RSPO2: variants seen among roughly 807,000 people sequenced by gnomAD.
The protein encoded by RSPO2 is R-spondin-2.
Under a neutral mutation model 30.9 loss-of-function variants are expected in RSPO2, and 14 were observed. The ratio of observed to expected loss-of-function variants is 0.45; its 90% confidence interval spans 0.30 to 0.71. RSPO2 has a LOEUF of 0.71. Among genes scored for constraint, RSPO2 ranks in the 30% least tolerant of loss-of-function variants. The pLI, the probability that RSPO2 is intolerant of heterozygous loss-of-function variation, is 0.08. For missense variants in RSPO2, 264 were observed against 301.9 expected, an observed-to-expected ratio of 0.87 and a Z score of 0.93; for synonymous variants, 107 against 96.4, an observed-to-expected ratio of 1.11 and a Z score of -0.64.
At chr8:108,059,057 C>A (rs1313087551) in intron 2 of RSPO2, among the ~76,000 whole-genome samples, 1 of 151,806 alleles carries the variant, frequency 6.6e-6, no homozygotes, top group African/African-American at 2.4e-5. Context: ...CAGAGTGAAA[C>A]AGGCAACCTA....
rs550676880 is a variant in RSPO2, at chr8:108,045,458, C to T, written c.94+37087G>A. Among the ~76,000 whole-genome samples the T allele has an allele frequency of 3.3e-5, 5 of 152,062 alleles. No homozygotes were observed. The East Asian group carries it at 9.7e-4, about 29-fold the overall frequency. On this transcript the variant is annotated intron_variant, in intron 2 of 5. Transcript: ENST00000276659. The stretch of plus-strand genomic sequence containing the variant: ...AATAACATTAATGTTTTTATTAGAC[C>T]ATTTTTATTAAAATACATTAGTCCA...
At chr8:107,936,184 G>A (rs1394212871) in intron 5 of RSPO2, among the ~76,000 whole-genome samples, 1 of 151,952 alleles carries the variant, frequency 6.6e-6, no homozygotes, top group Non-Finnish European at 1.5e-5. Flanking sequence ...TTCTACATAT[G>A]AGAACATGTG....
chr8:107,914,369 C>A (rs1811912500), intron 5 of RSPO2, among the ~76,000 whole-genome samples: 2 of 151,054 alleles, frequency 1.3e-5, no homozygotes, highest in African/African-American at 2.4e-5. Context: ...AATAAGAGTT[C>A]CAAAAAATGA....
At chr8:108,050,676 T>C (rs1812053774) in intron 2 of RSPO2, among the ~76,000 whole-genome samples, 1 of 152,176 alleles carries the variant, frequency 6.6e-6, no homozygotes, top group South Asian at 2.1e-4. Flanking sequence ...CATGGATAAC[T>C]GAAACAGTCT....
chr8:108,000,711 C>T (rs1416700993), intron 2 of RSPO2, among the ~76,000 whole-genome samples: 25 of 151,968 alleles, frequency 1.6e-4, no homozygotes, highest in Admixed American at 1.6e-3. Flanking sequence ...TAGAAATTCT[C>T]CAGGGAACTC....
chr8:107,945,327 C>A (rs575273559), intron 5 of RSPO2, among the ~76,000 whole-genome samples: 1 of 135,542 alleles, frequency 7.4e-6, no homozygotes, highest in African/African-American at 2.7e-5. Flanking sequence ...CGGCTCACTA[C>A]AAGCTCCGCC....
chr8:107,980,350 T>C (rs1314731391), intron 3 of RSPO2, among the ~76,000 whole-genome samples: 1 of 152,184 alleles, frequency 6.6e-6, no homozygotes, highest in Non-Finnish European at 1.5e-5. Context: ...CCCCTCTCTT[T>C]CCTTATCAGA....
At chr8:107,983,155 C>T (rs1187485409) in intron 3 of RSPO2, 1 of 1,517,400 alleles carries the variant, frequency 6.6e-7, no homozygotes, top group Admixed American at 2.0e-5. Context: ...GGCTCATCAA[C>T]AGAGCAGATG....
intron 5 of RSPO2, among the ~76,000 whole-genome samples, chr8:107,950,913 T>A (rs1813220567): frequency 6.6e-6 from 1 of 152,196 alleles, no homozygotes; most frequent in South Asian, 2.1e-4. Flanking sequence ...TATCTACACA[T>A]ACAGCTCTAG....
At chr8:108,016,071 G>C (rs898880000) in intron 2 of RSPO2, among the ~76,000 whole-genome samples, 5 of 152,166 alleles carry the variant, frequency 3.3e-5, no homozygotes, top group Non-Finnish European at 5.9e-5. Flanking sequence ...CTAGAGGAGT[G>C]CACGTCCTGA....
intron 2 of RSPO2, among the ~76,000 whole-genome samples, chr8:108,079,597 A>C (rs1411520614): frequency 6.6e-6 from 1 of 152,104 alleles, no homozygotes; most frequent in Non-Finnish European, 1.5e-5. Context: ...AGAAAATGAT[A>C]TTATGGAGCA....
chr8:107,947,514 T>C (rs1273022569), intron 5 of RSPO2, among the ~76,000 whole-genome samples: 1 of 152,190 alleles, frequency 6.6e-6, no homozygotes, highest in Non-Finnish European at 1.5e-5. Context: ...GGGGCCACAG[T>C]GGACCACAAG....
At chr8:107,921,277 T>TACACACACACAC (rs71308759) in intron 5 of RSPO2, among the ~76,000 whole-genome samples, 64 of 148,854 alleles carry the variant, frequency 4.3e-4, no homozygotes, top group African/African-American at 1.5e-3. Flanking sequence ...TAGCAGATTT[T>TACACACACACAC]ACACACACAC....
intron 2 of RSPO2, among the ~76,000 whole-genome samples, chr8:108,072,319 CTTTTTT>C (rs34402426): frequency 0.057 from 4,773 of 84,222 alleles, 264 homozygotes; most frequent in African/African-American, 0.21. Flanking sequence ...TGGCAGAGAA[CTTTTTT>C]TTTTTTTTTT....
At chr8:108,010,288 T>C (rs1398849119) in intron 2 of RSPO2, among the ~76,000 whole-genome samples, 1 of 152,180 alleles carries the variant, frequency 6.6e-6, no homozygotes, top group Non-Finnish European at 1.5e-5. Context: ...GTACATGTGC[T>C]ATAACCTTCG....
intron 2 of RSPO2, among the ~76,000 whole-genome samples, chr8:108,017,912 C>T (rs1810945389): frequency 6.6e-6 from 1 of 152,154 alleles, no homozygotes; most frequent in African/African-American, 2.4e-5. Flanking sequence ...CAGCACTTAA[C>T]ATTACAATCT....
intron 3 of RSPO2, chr8:107,983,848 A>G: frequency 4.4e-6 from 7 of 1,591,566 alleles, no homozygotes; most frequent in Non-Finnish European, 6.0e-6. Flanking sequence ...ACCTGGCAGA[A>G]GTTTGCAGCA....
At chr8:108,004,154 C>T (rs749465723) in intron 2 of RSPO2, among the ~76,000 whole-genome samples, 4 of 152,126 alleles carry the variant, frequency 2.6e-5, no homozygotes, top group African/African-American at 4.8e-5. Flanking sequence ...AGTAAAACTG[C>T]TGATCCATCA....
intron 5 of RSPO2, among the ~76,000 whole-genome samples, chr8:107,935,395 T>C (rs1427290860): frequency 6.6e-6 from 1 of 152,134 alleles, no homozygotes; most frequent in Non-Finnish European, 1.5e-5. Context: ...ACCTCATGGC[T>C]TCCTACTGGG....
Sources: gnomAD v4.1 joint callset for allele counts (sites outside exome capture counted in the v4.1 genomes callset) on GRCh38, gnomAD v4.1.1 for gene constraint, MANE v1.5 for transcripts, NCBI Gene and HGNC (gene_info 2026-07-23, HGNC 2026-07-21) for gene names.